ZDHHC13: variants seen among roughly 807,000 people sequenced by gnomAD.
ZDHHC13 encodes palmitoyltransferase ZDHHC13.
Under a neutral mutation model 86.0 loss-of-function variants are expected in ZDHHC13, and 85 were observed. That is an observed-to-expected ratio of 0.99 (90% confidence interval 0.83 to 1.18). ZDHHC13 has a LOEUF of 1.18. ZDHHC13 is among the 50% of genes most tolerant of loss of function. The pLI is 0.00. For missense variants in ZDHHC13, 711 were observed against 730.2 expected, an observed-to-expected ratio of 0.97 and a Z score of 0.30; for synonymous variants, 263 against 246.4, an observed-to-expected ratio of 1.07 and a Z score of -0.63.
intron 12 of ZDHHC13, 173 bp downstream of exon 12, chr11:19,164,536 T>C (rs899235886): frequency 1.3e-5 from 8 of 630,992 alleles, no homozygotes; most frequent in African/African-American, 7.4e-5. Flanking sequence ...GGCAGAATGA[T>C]GTTTATAATC....
At chr11:19,152,104 C>A in intron 6 of ZDHHC13, 54 bp from the exon 7 acceptor site, 1 of 1,570,498 alleles carries the variant, frequency 6.4e-7, no homozygotes, top group South Asian at 1.2e-5. Flanking sequence ...TGCATTTACT[C>A]CTTAAGTCAT....
chr11:19,170,303 C>T (rs1222745996), intron 14 of ZDHHC13, 108 bp from the exon 15 acceptor site: 19 of 1,455,340 alleles, frequency 1.3e-5, no homozygotes, highest in South Asian at 2.9e-5. Flanking sequence ...TGATCTGTGC[C>T]ATACTTTCTC....
chr11:19,156,081 C>A, intron 9 of ZDHHC13, 152 bp downstream of exon 9: 1 of 997,940 alleles, frequency 1.0e-6, no homozygotes, highest in Non-Finnish European at 1.4e-6. Flanking sequence ...GAGGAAAGGG[C>A]TCTGGTAGCA....
At chr11:19,129,020 A>G (rs1345403705) in intron 1 of ZDHHC13, among the ~76,000 whole-genome samples, 1 of 152,198 alleles carries the variant, frequency 6.6e-6, no homozygotes, top group Non-Finnish European at 1.5e-5. Context: ...TGTTTCTCAG[A>G]ATATATCCTC....
At chr11:19,155,579 C>T (rs1849733423) in intron 8 of ZDHHC13, among the ~76,000 whole-genome samples, 2 of 120,862 alleles carry the variant, frequency 1.7e-5, no homozygotes, top group Non-Finnish European at 3.3e-5. Flanking sequence ...GAAACTTCAT[C>T]TCAAAAAAAA....
chr11:19,122,921 GT>G (rs1203943901), intron 1 of ZDHHC13, among the ~76,000 whole-genome samples: 3 of 152,108 alleles, frequency 2.0e-5, no homozygotes, highest in Non-Finnish European at 4.4e-5. Context: ...TCATTTTTAG[GT>G]TTTACTTTGA....
At chr11:19,118,003 CTA>C (rs2133348400) in intron 1 of ZDHHC13, 1 of 152,312 alleles carries the variant, frequency 6.6e-6, no homozygotes, top group East Asian at 1.9e-4. Flanking sequence ...TTCCTAGTGC[CTA>C]GAGTACTGAC....
intron 1 of ZDHHC13, among the ~76,000 whole-genome samples, chr11:19,135,614 G>A (rs1849116062): frequency 6.6e-6 from 1 of 152,224 alleles, no homozygotes; most frequent in Middle Eastern, 3.2e-3. Flanking sequence ...TCCACCTCTG[G>A]GGGCAGGGCA....
chr11:19,134,577 A>C (rs1849080754), intron 1 of ZDHHC13, among the ~76,000 whole-genome samples: 1 of 152,216 alleles, frequency 6.6e-6, no homozygotes, highest in African/African-American at 2.4e-5. Flanking sequence ...TGAAGCTGGA[A>C]ACCATCATTC....
chr11:19,170,375 CT>C (rs55637113), intron 14 of ZDHHC13, 35 bp from the exon 15 acceptor site: 152,971 of 1,154,850 alleles, frequency 0.13, 7 homozygotes, highest in Non-Finnish European at 0.14. Context: ...AGTTTATTGC[CT>C]TTTTTTTTTT....
intron 1 of ZDHHC13, among the ~76,000 whole-genome samples, chr11:19,132,102 G>T (rs754539407): frequency 6.6e-6 from 1 of 151,994 alleles, no homozygotes; most frequent in Non-Finnish European, 1.5e-5. Context: ...GCTATGGATC[G>T]CATTTTTCTT....
intron 1 of ZDHHC13, among the ~76,000 whole-genome samples, chr11:19,119,041 A>G (rs1396406154): frequency 2.6e-5 from 4 of 152,260 alleles, no homozygotes; most frequent in Non-Finnish European, 4.4e-5. Flanking sequence ...TTTTGATTCC[A>G]AGATCGGTGC....
At chr11:19,135,930 C>A (rs1056359605) in intron 1 of ZDHHC13, among the ~76,000 whole-genome samples, 3 of 151,986 alleles carry the variant, frequency 2.0e-5, no homozygotes, top group African/African-American at 7.2e-5. Flanking sequence ...TGTACATCAC[C>A]ATCATCAAAG....
At chr11:19,141,108 A>C (rs115926817) in intron 1 of ZDHHC13, among the ~76,000 whole-genome samples, 56 of 151,854 alleles carry the variant, frequency 3.7e-4, no homozygotes, top group African/African-American at 1.3e-3. Context: ...TGATTCAGGG[A>C]GGTTTCTCTT....
chr11:19,164,252 TA>T (rs1565040310), intron 11 of ZDHHC13, 48 bp from the exon 12 acceptor site: 1 of 1,577,674 alleles, frequency 6.3e-7, no homozygotes, highest in Non-Finnish European at 8.7e-7. Flanking sequence ...CCATGCATAA[TA>T]CATTTTCCAA....
chr11:19,141,348 C>T (rs1227474142), intron 1 of ZDHHC13, among the ~76,000 whole-genome samples: 3 of 152,052 alleles, frequency 2.0e-5, no homozygotes, highest in Non-Finnish European at 4.4e-5. Flanking sequence ...TGTATTTGTG[C>T]TTTTAGGAAA....
intron 8 of ZDHHC13, 49 bp downstream of exon 8, chr11:19,152,733 C>A: frequency 6.2e-7 from 1 of 1,608,482 alleles, no homozygotes; most frequent in South Asian, 1.1e-5. Context: ...TTTTTTTGTT[C>A]ATTTGGTTTT....
chr11:19,144,040 T>G (rs552447134), intron 2 of ZDHHC13, among the ~76,000 whole-genome samples: 1 of 152,268 alleles, frequency 6.6e-6, no homozygotes, highest in South Asian at 2.1e-4. Flanking sequence ...TGTTTGGCCT[T>G]GATATGGACT....
chr11:19,127,266 G>A (rs988335203), intron 1 of ZDHHC13, among the ~76,000 whole-genome samples: 2 of 152,122 alleles, frequency 1.3e-5, no homozygotes, highest in Non-Finnish European at 2.9e-5. Context: ...ATTGAAAAGT[G>A]TCTGTTCATG....
Sources: gnomAD v4.1 joint callset for allele counts (sites outside exome capture counted in the v4.1 genomes callset) on GRCh38, gnomAD v4.1.1 for gene constraint, MANE v1.5 for transcripts, NCBI Gene and HGNC (gene_info 2026-07-23, HGNC 2026-07-21) for gene names.